PRKN: variants seen among roughly 807,000 people sequenced by gnomAD.
The protein encoded by PRKN is E3 ubiquitin-protein ligase parkin.
In PRKN, 56 loss-of-function variants were observed where a neutral mutation model predicts 59.5. The observed-to-expected ratio is 0.94, with a 90% CI of 0.76 to 1.18. The LOEUF (loss-of-function observed/expected upper bound fraction) is 1.18, where lower values mean the gene tolerates loss of function less well. PRKN is among the 50% of genes most tolerant of loss of function. PRKN has a pLI of 0.00. For missense variants in PRKN, 657 were observed against 596.4 expected, an observed-to-expected ratio of 1.10 and a Z score of -1.06; for synonymous variants, 250 against 222.1, an observed-to-expected ratio of 1.13 and a Z score of -1.12.
intron 1 of PRKN, among the ~76,000 whole-genome samples, chr6:162,509,226 A>G (rs1793741409): frequency 6.6e-6 from 1 of 152,182 alleles, no homozygotes; most frequent in Non-Finnish European, 1.5e-5. Context: ...TTAAAACACA[A>G]TTTTAAAACA....
chr6:161,948,336 C>A (rs1002109834), intron 6 of PRKN, among the ~76,000 whole-genome samples: 1 of 152,140 alleles, frequency 6.6e-6, no homozygotes, highest in Non-Finnish European at 1.5e-5. Flanking sequence ...GGTCTTCCTG[C>A]TGGACTCATT....
At chr6:161,422,548 C>G (rs1788151674) in intron 9 of PRKN, among the ~76,000 whole-genome samples, 1 of 152,136 alleles carries the variant, frequency 6.6e-6, no homozygotes, top group South Asian at 2.1e-4. Context: ...CCTATCTCCT[C>G]TCTTTCTTTG....
intron 9 of PRKN, among the ~76,000 whole-genome samples, chr6:161,430,660 A>G (rs1173817096): frequency 1.3e-5 from 2 of 151,728 alleles, no homozygotes; most frequent in Admixed American, 1.3e-4. Flanking sequence ...CTAAAAATAC[A>G]AAAAATTAGC....
chr6:162,505,219 T>G (rs1179894589), intron 1 of PRKN, among the ~76,000 whole-genome samples: 1 of 152,116 alleles, frequency 6.6e-6, no homozygotes, highest in Admixed American at 6.6e-5. Flanking sequence ...TTTTCATATG[T>G]TCAAGTAAAC....
chr6:161,471,583 T>A lies in PRKN; in HGVS notation c.1083+77271A>T, dbSNP rs148942174. ...AACTTGAAAATAGACCTTGACAGAA[T>A]GATGACCTAATTTCTATATGCTCTT... On this transcript the variant is annotated intron_variant, in intron 9 of 11. Transcript: ENST00000366898. The surrounding 1 kb of genome is among the most constrained non-coding windows in gnomAD (Gnocchi z 4.5). 3.7e-3 allele frequency among the ~76,000 whole-genome samples: 567 copies of A among 152,316 alleles called. 10 individuals are homozygous for A. The highest frequency in any genetic ancestry group is 8.5e-4 in the Non-Finnish European group (58 of 68,030).
At chr6:162,183,045 C>G (rs1351245615) in intron 4 of PRKN, among the ~76,000 whole-genome samples, 1 of 151,966 alleles carries the variant, frequency 6.6e-6, no homozygotes, top group Non-Finnish European at 1.5e-5. Context: ...TGTAAGGATA[C>G]TTGGTTAATG....
intron 4 of PRKN, among the ~76,000 whole-genome samples, chr6:162,141,200 T>C (rs1781764841): frequency 6.6e-6 from 1 of 152,106 alleles, no homozygotes; most frequent in Admixed American, 6.6e-5. Context: ...CTATTCAGAA[T>C]GAAACATGCT....
chr6:162,001,806 C>T (rs1782067608), intron 5 of PRKN, among the ~76,000 whole-genome samples: 1 of 145,724 alleles, frequency 6.9e-6, no homozygotes, highest in Non-Finnish European at 1.5e-5. Flanking sequence ...TATTCCTTAT[C>T]AAGTTTAGAA....
chr6:162,510,104 T>C (rs1777528026), intron 1 of PRKN, among the ~76,000 whole-genome samples: 1 of 152,164 alleles, frequency 6.6e-6, no homozygotes, highest in African/African-American at 2.4e-5. Context: ...GAAAGCATTT[T>C]CTCCGATGTA....
intron 6 of PRKN, among the ~76,000 whole-genome samples, chr6:161,887,491 G>C (rs9355948): frequency 0.56 from 85,857 of 151,974 alleles, 25,161 homozygotes; most frequent in African/African-American, 0.72. Context: ...CAGTATAAAC[G>C]TTGAAAGTAC....
At chr6:162,078,774 T>C (rs1238573578) in intron 4 of PRKN, among the ~76,000 whole-genome samples, 2 of 152,068 alleles carry the variant, frequency 1.3e-5, no homozygotes, top group Admixed American at 1.3e-4. Context: ...AGGCTTTCTG[T>C]TCTCCTGGTG....
At position 161,530,783 on chromosome 6, in the gene PRKN, G is replaced by A. The variant is rs1420337375; in HGVS notation, c.1083+18071C>T. On this transcript the variant is annotated intron_variant, in intron 9 of 11. Coordinates refer to ENST00000366898, the MANE Select transcript of PRKN (RefSeq NM_004562.3). The surrounding 1 kb of genome is among the most constrained non-coding windows in gnomAD (Gnocchi z 5.0). ...TCCGCCCGTATTGGCCTCCCAAAGT[G>A]CTGGGATTACAGGCGTGAGCCACCA... Among the ~76,000 whole-genome samples the A allele has an allele frequency of 6.6e-6, 1 of 152,014 alleles. No individual in the cohort carries two copies. Among genetic ancestry groups the A allele is most frequent in the Non-Finnish European group, 1.5e-5 (1 of 68,026 alleles).
chr6:162,478,970 C>A (rs1792163524), intron 1 of PRKN, among the ~76,000 whole-genome samples: 1 of 152,060 alleles, frequency 6.6e-6, no homozygotes, highest in Admixed American at 6.5e-5. Context: ...ACATGACTGT[C>A]CATTACCACA....
intron 7 of PRKN, among the ~76,000 whole-genome samples, chr6:161,663,837 G>A (rs1784633174): frequency 6.6e-6 from 1 of 152,302 alleles, no homozygotes; most frequent in East Asian, 1.9e-4. Flanking sequence ...TGGTGAGAGG[G>A]TGGCTGGTGG....
chr6:161,505,937 T>C (rs1294955915), intron 9 of PRKN, among the ~76,000 whole-genome samples: 1 of 151,720 alleles, frequency 6.6e-6, no homozygotes, highest in East Asian at 1.9e-4. Flanking sequence ...AGCCTTGTAG[T>C]ATAGTTTGAA....
intron 7 of PRKN, among the ~76,000 whole-genome samples, chr6:161,765,508 G>A (rs1035381364): frequency 6.6e-6 from 1 of 152,148 alleles, no homozygotes; most frequent in Admixed American, 6.5e-5. Flanking sequence ...TACCCAGTAT[G>A]CTATACTTAG....
At chr6:162,404,379 A>AAG (rs1787957570) in intron 2 of PRKN, among the ~76,000 whole-genome samples, 1 of 151,694 alleles carries the variant, frequency 6.6e-6, no homozygotes, top group South Asian at 2.1e-4. Context: ...GAAAAAAAAA[A>AAG]AAAGAAAGAA....
At chr6:161,799,752 A>G (rs1418954364) in intron 6 of PRKN, among the ~76,000 whole-genome samples, 1 of 152,252 alleles carries the variant, frequency 6.6e-6, no homozygotes, top group Non-Finnish European at 1.5e-5. Context: ...ATCATGTGAT[A>G]GTGCTGGTGC....
At chr6:162,034,505 CCTAT>C (rs1783767077) in intron 5 of PRKN, among the ~76,000 whole-genome samples, 1 of 152,072 alleles carries the variant, frequency 6.6e-6, no homozygotes. Flanking sequence ...TCATTTCCTT[CCTAT>C]CTGTTTTTGC....
Sources: allele counts gnomAD v4.1 joint callset (sites outside exome capture counted in the v4.1 genomes callset), GRCh38; gene constraint gnomAD v4.1.1; non-coding constraint Gnocchi (gnomAD v3.1); transcripts MANE v1.5; gene names NCBI Gene and HGNC (gene_info 2026-07-23, HGNC 2026-07-21).